The following KCND2 variants were observed in gnomAD, a reference collection of about 807,000 sequenced individuals.
The protein encoded by KCND2 is potassium voltage-gated channel subfamily D member 2.
In KCND2, 16 loss-of-function variants were observed where a neutral mutation model predicts 54.4. The ratio of observed to expected loss-of-function variants is 0.29; its 90% CI spans 0.20 to 0.45. The LOEUF is 0.45. KCND2 is among the 20% of genes least tolerant of loss of function. KCND2 has a pLI of 1.00. For synonymous variants in KCND2, 317 were observed against 310.7 expected (o/e 1.02, Z -0.21); for missense variants, 486 against 824.2 (o/e 0.59, Z 5.02).
At chr7:120,394,506 T>C (rs1424599299) in intron 1 of KCND2, among the ~76,000 whole-genome samples, 1 of 151,934 alleles carries the variant, frequency 6.6e-6, no homozygotes, top group African/African-American at 2.4e-5. Context: ...TAGAAAGGGA[T>C]TATAGAAACT....
At position 120,281,427 on chromosome 7, in the gene KCND2, GAAA is replaced by G. The variant is rs10708123; in HGVS notation, c.1115+5693_1115+5695del. ...ATGATGTGGGATAGCGTCTGATATT[GAAA>G]AAAAAAAAAAAACCCCAGGGTGAAA... On this transcript the variant is annotated intron_variant, in intron 1 of 5. Transcript: ENST00000331113. 6.5e-4 allele frequency among the ~76,000 whole-genome samples: 95 copies of G among 145,218 alleles called. 1 individual carries two copies. In the South Asian group the frequency reaches 8.6e-3, roughly 13 times the overall value.
At position 120,586,166 on chromosome 7, in the gene KCND2, G is replaced by GAC. The variant is rs144481094; in HGVS notation, c.1116-146721_1116-146720dup. Among the ~76,000 whole-genome samples, 181 of 150,526 alleles carry GAC rather than the reference G, an allele frequency of 1.2e-3. 2 individuals are homozygous for GAC. The highest frequency in any genetic ancestry group is 5.8e-4 in the African/African-American group (24 of 41,188). On this transcript the variant is annotated intron_variant, in intron 1 of 5. Coordinates refer to ENST00000331113, the MANE Select transcript of KCND2 (RefSeq NM_012281.3). Reference sequence around the variant, plus strand: ...CACAGTAGCTGTATACTCACACACAGACACACACACACACACAAACACACA... The same window carrying GAC: ...CACAGTAGCTGTATACTCACACACAGACACACACACACACACACAAACACACA...
rs895629551 is a variant in KCND2 at position 120,375,104 on chromosome 7, T to C, written c.1115+99357T>C. On this transcript the variant is annotated intron_variant, in intron 1 of 5. Coordinates refer to ENST00000331113, the MANE Select transcript of KCND2 (RefSeq NM_012281.3). The stretch of plus-strand genomic sequence containing the variant: ...GGTACACAATACATGGTTTTGTTTT[T>C]GCTATTTATTGATTTATTTTGTTGT... Among the ~76,000 whole-genome samples, 31 of 151,204 alleles carry C rather than the reference T, an allele frequency of 2.1e-4. 1 individual carries two copies. The highest frequency in any genetic ancestry group is 1.9e-3 in the Admixed American group (29 of 15,176).
chr7:120,631,040 G>T (rs998712644), intron 1 of KCND2, among the ~76,000 whole-genome samples: 2 of 152,120 alleles, frequency 1.3e-5, no homozygotes, highest in African/African-American at 2.4e-5. Flanking sequence ...TTTCAAAACT[G>T]TTGATAGCAA....
intron 1 of KCND2, among the ~76,000 whole-genome samples, chr7:120,721,639 A>C (rs986208201): frequency 6.6e-6 from 1 of 152,194 alleles, no homozygotes; most frequent in African/African-American, 2.4e-5. Flanking sequence ...ATCTCCTTTT[A>C]TATTTAAACA....
intron 1 of KCND2, among the ~76,000 whole-genome samples, chr7:120,578,962 TAAAG>T (rs1354990524): frequency 2.1e-5 from 3 of 142,536 alleles, no homozygotes; most frequent in South Asian, 2.1e-4. Context: ...AAAAAAGAAA[TAAAG>T]AAATAAAGTT....
intron 1 of KCND2, among the ~76,000 whole-genome samples, chr7:120,387,515 A>G (rs1350312619): frequency 6.6e-6 from 1 of 152,052 alleles, no homozygotes; most frequent in Admixed American, 6.6e-5. Flanking sequence ...ATAAATTTTA[A>G]GCACATGGTA....
intron 1 of KCND2, among the ~76,000 whole-genome samples, chr7:120,708,564 C>G (rs1274456245): frequency 2.6e-5 from 4 of 152,052 alleles, no homozygotes; most frequent in African/African-American, 9.7e-5. Context: ...TATGTATTCA[C>G]TTTTTACTAT....
At chr7:120,704,382 C>T (rs569518132) in intron 1 of KCND2, among the ~76,000 whole-genome samples, 2 of 152,058 alleles carry the variant, frequency 1.3e-5, no homozygotes, top group South Asian at 4.2e-4. Flanking sequence ...CTTCTACATC[C>T]CTGGACTTCA....
At chr7:120,599,628 G>C (rs966604344) in intron 1 of KCND2, among the ~76,000 whole-genome samples, 7 of 151,920 alleles carry the variant, frequency 4.6e-5, no homozygotes, top group Admixed American at 2.0e-4. Flanking sequence ...AGTGTTTCTT[G>C]CAAGTATACA....
chr7:120,595,038 A>G (rs181674382), intron 1 of KCND2, among the ~76,000 whole-genome samples: 44 of 151,212 alleles, frequency 2.9e-4, no homozygotes, highest in South Asian at 8.4e-4. Context: ...AAAAAAAAAA[A>G]AGAGAGAGAG....
In KCND2 at chr7:120,381,401, A is replaced by C. The variant is rs574005008; in HGVS notation, c.1115+105654A>C. 2.6e-5 allele frequency among the ~76,000 whole-genome samples: 4 copies of C among 152,272 alleles called. No individual in the cohort carries two copies. In the East Asian group the frequency reaches 5.8e-4, roughly 22 times the overall value. On this transcript the variant is annotated intron_variant, in intron 1 of 5. Coordinates refer to ENST00000331113, the MANE Select transcript of KCND2 (RefSeq NM_012281.3). ...TTCCAAAAGGTAATTATATTCTGTA[A>C]GTATTTTTTGCCCAAGGGAAGCAAC...
At chr7:120,323,499 C>G (rs1301758782) in intron 1 of KCND2, among the ~76,000 whole-genome samples, 3 of 150,322 alleles carry the variant, frequency 2.0e-5, no homozygotes, top group East Asian at 4.0e-4. Context: ...CTTCCTGTGT[C>G]CATGTGATCT....
intron 1 of KCND2, among the ~76,000 whole-genome samples, chr7:120,550,996 A>G (rs1792098807): frequency 6.6e-6 from 1 of 152,208 alleles, no homozygotes; most frequent in Non-Finnish European, 1.5e-5. Context: ...GTAAAGAATA[A>G]AGAGAATTTG....
intron 1 of KCND2, among the ~76,000 whole-genome samples, chr7:120,722,965 C>T (rs1314670371): frequency 1.3e-5 from 2 of 152,150 alleles, no homozygotes; most frequent in Non-Finnish European, 2.9e-5. Context: ...ATCAACAGCA[C>T]TGTCAAAGTG....
intron 1 of KCND2, among the ~76,000 whole-genome samples, chr7:120,283,514 A>G (rs1799296083): frequency 6.6e-6 from 1 of 152,162 alleles, no homozygotes. Flanking sequence ...ATATCCAATT[A>G]TTCAGGAGAT....
chr7:120,312,141 A>G (rs1036119713), intron 1 of KCND2, among the ~76,000 whole-genome samples: 7 of 152,132 alleles, frequency 4.6e-5, no homozygotes, highest in Non-Finnish European at 8.8e-5. Context: ...TCCTGACCTC[A>G]GATGATCTGC....
chr7:120,675,889 G>A (rs148809396), intron 1 of KCND2, among the ~76,000 whole-genome samples: 1,670 of 126,668 alleles, frequency 0.013, 32 homozygotes, highest in African/African-American at 0.048. Flanking sequence ...ACAGAGTCTC[G>A]CCCTGTCTCC....
At chr7:120,419,570 C>T (rs558872195) in intron 1 of KCND2, among the ~76,000 whole-genome samples, 16 of 152,208 alleles carry the variant, frequency 1.1e-4, no homozygotes, top group African/African-American at 3.9e-4. Context: ...ACCACTAGAG[C>T]ATTTTGATTC....
Sources: gnomAD v4.1 joint callset for allele counts (sites outside exome capture counted in the v4.1 genomes callset) on GRCh38, gnomAD v4.1.1 for gene constraint, MANE v1.5 for transcripts, NCBI Gene and HGNC (gene_info 2026-07-23, HGNC 2026-07-21) for gene names.